TUT4: variants seen among roughly 807,000 people sequenced by gnomAD.
TUT4 encodes the protein terminal uridylyl transferase 4.
TUT4 carries 36 observed loss-of-function variants against 192.2 expected under a neutral mutation model. That is an observed-to-expected ratio of 0.19 (90% confidence interval 0.14 to 0.25). The LOEUF is 0.25. Among genes scored for constraint, TUT4 ranks in the 10% least tolerant of loss-of-function variants. The pLI is 1.00. For synonymous variants in TUT4, 618 were observed against 666.0 expected (o/e 0.93, Z 1.11); for missense variants, 1,493 against 1,957.2 (o/e 0.76, Z 4.47).
intron 4 of TUT4, among the ~76,000 whole-genome samples, chr1:52,501,325 A>G (rs1344883737): frequency 6.6e-6 from 1 of 152,200 alleles, no homozygotes; most frequent in East Asian, 1.9e-4. Context: ...CCAAAGATAT[A>G]CAAATGCCAA....
chr1:52,436,224 G>A (rs1263679174), intron 26 of TUT4, among the ~76,000 whole-genome samples: 2 of 152,108 alleles, frequency 1.3e-5, no homozygotes, highest in East Asian at 3.9e-4. Flanking sequence ...GGTGGCTCAC[G>A]CCTGTAATCC....
intron 5 of TUT4, among the ~76,000 whole-genome samples, chr1:52,496,396 A>G (rs1672447198): frequency 6.6e-6 from 1 of 152,112 alleles, no homozygotes; most frequent in Admixed American, 6.5e-5. Flanking sequence ...TTTCAATTTT[A>G]TATTCTTTCT....
intron 19 of TUT4, among the ~76,000 whole-genome samples, chr1:52,460,129 T>C (rs57947555): frequency 0.088 from 13,391 of 152,206 alleles, 1,954 homozygotes; most frequent in African/African-American, 0.3. Flanking sequence ...AAGTCTTGTA[T>C]GTAGTATGTG....
chr1:52,435,872 G>A (rs182423855), intron 26 of TUT4, among the ~76,000 whole-genome samples: 2 of 151,988 alleles, frequency 1.3e-5, no homozygotes, highest in Admixed American at 1.3e-4. Flanking sequence ...ATCATACCAC[G>A]CACTGCAGCC....
At chr1:52,543,587 G>A (rs1039342623) in intron 1 of TUT4, among the ~76,000 whole-genome samples, 2 of 150,894 alleles carry the variant, frequency 1.3e-5, no homozygotes, top group East Asian at 2.0e-4. Flanking sequence ...GGGTTCAAGC[G>A]ATTCTCCTGC....
At chr1:52,452,980 T>C (rs1570445022) in intron 20 of TUT4, among the ~76,000 whole-genome samples, 1 of 152,200 alleles carries the variant, frequency 6.6e-6, no homozygotes, top group Non-Finnish European at 1.5e-5. Context: ...GAGGACACCA[T>C]GGTGTTCAAC....
At chr1:52,467,943 A>T (rs1208068487) in intron 15 of TUT4, among the ~76,000 whole-genome samples, 4 of 152,082 alleles carry the variant, frequency 2.6e-5, no homozygotes, top group Non-Finnish European at 4.4e-5. Flanking sequence ...TTTATCTCCT[A>T]TACTTTTAAC....
chr1:52,459,659 G>A (rs1347730760), intron 19 of TUT4, among the ~76,000 whole-genome samples: 2 of 152,014 alleles, frequency 1.3e-5, no homozygotes, highest in African/African-American at 2.4e-5. Context: ...GCCGAGGCGG[G>A]CGGAGGAGGT....
At chr1:52,444,188 C>G (rs1172055152) in intron 24 of TUT4, among the ~76,000 whole-genome samples, 7 of 151,870 alleles carry the variant, frequency 4.6e-5, no homozygotes, top group Non-Finnish European at 8.8e-5. Context: ...GTGCCAAGAT[C>G]ACGCCACTGC....
intron 20 of TUT4, among the ~76,000 whole-genome samples, chr1:52,455,451 T>C (rs1660612002): frequency 6.6e-6 from 1 of 150,576 alleles, no homozygotes; most frequent in Admixed American, 6.6e-5. Flanking sequence ...CTACTAAATA[T>C]ATAAAAAATT....
chr1:52,525,431 T>A, intron 2 of TUT4, 132 bp downstream of exon 2: 1 of 1,159,640 alleles, frequency 8.6e-7, no homozygotes, highest in Non-Finnish European at 1.2e-6. Flanking sequence ...ATTATTAATG[T>A]GGATGTTTTC....
intron 2 of TUT4, among the ~76,000 whole-genome samples, chr1:52,521,425 G>T (rs1335470037): frequency 6.6e-6 from 1 of 152,100 alleles, no homozygotes; most frequent in Non-Finnish European, 1.5e-5. Context: ...AGCACTTTGG[G>T]AGGCCGAGGC....
intron 1 of TUT4, among the ~76,000 whole-genome samples, chr1:52,532,645 T>C (rs1192346706): frequency 6.6e-6 from 1 of 152,148 alleles, no homozygotes; most frequent in African/African-American, 2.4e-5. Context: ...ACATGAAAGG[T>C]ATGGATTTAG....
chr1:52,429,944 G>C (rs939699805), intron 28 of TUT4, among the ~76,000 whole-genome samples: 12 of 151,932 alleles, frequency 7.9e-5, no homozygotes, highest in African/African-American at 2.9e-4. Flanking sequence ...GTATATATGT[G>C]TGTGTGTGTG....
At chr1:52,435,895 G>A (rs1245526167) in intron 26 of TUT4, among the ~76,000 whole-genome samples, 1 of 151,848 alleles carries the variant, frequency 6.6e-6, no homozygotes, top group East Asian at 1.9e-4. Flanking sequence ...GGCAACAAGA[G>A]TCTGTCTCTC....
At chr1:52,457,717 TG>T (rs2148647097) in intron 20 of TUT4, among the ~76,000 whole-genome samples, 1 of 152,338 alleles carries the variant, frequency 6.6e-6, no homozygotes, top group Admixed American at 6.5e-5. Flanking sequence ...GCGGAACAGA[TG>T]GATGATTAAT....
At chr1:52,525,127 T>C (rs1004135000) in intron 2 of TUT4, among the ~76,000 whole-genome samples, 1 of 151,842 alleles carries the variant, frequency 6.6e-6, no homozygotes, top group Non-Finnish European at 1.5e-5. Flanking sequence ...GAAGCTTCCT[T>C]GAAGTTTAGG....
intron 1 of TUT4, among the ~76,000 whole-genome samples, chr1:52,539,572 G>A (rs1187189233): frequency 6.6e-6 from 1 of 152,124 alleles, no homozygotes; most frequent in Non-Finnish European, 1.5e-5. Flanking sequence ...AAGTCCCGGA[G>A]CTCTTACAAA....
At chr1:52,456,632 T>G (rs1199106955) in intron 20 of TUT4, among the ~76,000 whole-genome samples, 1 of 151,976 alleles carries the variant, frequency 6.6e-6, no homozygotes, top group Non-Finnish European at 1.5e-5. Context: ...TATGATATTC[T>G]GGAAAAGTCA....
Sources: gnomAD v4.1 joint callset for allele counts (sites outside exome capture counted in the v4.1 genomes callset) on GRCh38, gnomAD v4.1.1 for gene constraint, MANE v1.5 for transcripts, NCBI Gene and HGNC (gene_info 2026-07-23, HGNC 2026-07-21) for gene names.